Variants in SH3BP4 observed in about 807,000 individuals in gnomAD.
SH3BP4 encodes the protein SH3 domain binding protein 4.
A neutral mutation model predicts 65.5 loss-of-function variants in SH3BP4; 33 were observed. That is an observed-to-expected ratio of 0.50 (90% CI 0.38 to 0.67). The LOEUF (loss-of-function observed/expected upper bound fraction) is 0.67, where lower values mean the gene tolerates loss of function less well. Among genes scored for constraint, SH3BP4 ranks in the 30% least tolerant of loss-of-function variants. The probability of loss-of-function intolerance (pLI) is 0.00; values close to 1 mark genes in which losing one functional copy is unlikely to be tolerated. For synonymous variants in SH3BP4, 552 were observed against 545.5 expected (o/e 1.01, Z -0.17); for missense variants, 1,134 against 1,261.4 (o/e 0.90, Z 1.53).
intron 1 of SH3BP4, among the ~76,000 whole-genome samples, chr2:234,953,683 T>C (rs1310778946): frequency 1.3e-5 from 2 of 152,168 alleles, no homozygotes; most frequent in African/African-American, 4.8e-5. Flanking sequence ...GGCTGTACTT[T>C]AAGGCGCTGG....
In SH3BP4 at chr2:234,967,212, T is replaced by A. The variant is rs1215007779; in HGVS notation, c.-207+15042T>A. ...TCTCAACCATGATACTGTTCTCCCCTACACGGGGGGCCAGGTCTCAATTCC... is the reference window on the plus strand; with the variant it reads ...TCTCAACCATGATACTGTTCTCCCCAACACGGGGGGCCAGGTCTCAATTCC... On this transcript the variant is annotated intron_variant, in intron 1 of 5. Transcript: ENST00000392011. This position sits in a 1 kb window ranked among gnomAD's most constrained non-coding sequence, Gnocchi z 4.6. 6.6e-6 allele frequency among the ~76,000 whole-genome samples: 1 copy of A among 152,194 alleles called. No homozygotes were observed. Among genetic ancestry groups the A allele is most frequent in the African/African-American group, 2.4e-5 (1 of 41,444 alleles).
At chr2:234,988,082 CAG>C (rs1276437958) in intron 1 of SH3BP4, among the ~76,000 whole-genome samples, 2 of 151,872 alleles carry the variant, frequency 1.3e-5, no homozygotes, top group African/African-American at 4.8e-5. Context: ...TTCTTTGAGT[CAG>C]AGTCTCACTC....
chr2:234,956,168 C>T (rs1692581811), intron 1 of SH3BP4, among the ~76,000 whole-genome samples: 2 of 152,168 alleles, frequency 1.3e-5, no homozygotes, highest in African/African-American at 4.8e-5. Flanking sequence ...TTCGTGAAAC[C>T]CTCACCCCGT....
At chr2:234,999,964 T>C (rs1275789690) in intron 2 of SH3BP4, among the ~76,000 whole-genome samples, 1 of 152,238 alleles carries the variant, frequency 6.6e-6, no homozygotes, top group Non-Finnish European at 1.5e-5. Flanking sequence ...TTTGAGTTTC[T>C]GAGCATCCAA....
chr2:235,039,119 C>T (rs1394508846), intron 3 of SH3BP4, among the ~76,000 whole-genome samples: 2 of 152,112 alleles, frequency 1.3e-5, no homozygotes, highest in Non-Finnish European at 2.9e-5. Context: ...GGGCTCCACT[C>T]GAGTCTGGGT....
rs1342823442 is a variant in SH3BP4, at chr2:235,041,023, T to G, written c.254T>G (p.Leu85Trp). The G allele has an allele frequency of 2.5e-6, 4 of 1,614,074 alleles. No homozygotes were observed. Among genetic ancestry groups the G allele is most frequent in the Middle Eastern group, 1.6e-4 (1 of 6,084 alleles). The change falls in exon 4 of 6, where the codon TTG becomes TGG. Residue 85 changes from leucine (L) to tryptophan (W), a missense_variant. Leu to Trp is a moderately conservative substitution (Grantham distance 61). Coordinates refer to ENST00000392011, the MANE Select transcript of SH3BP4 (RefSeq NM_014521.3). This position sits in a 1 kb window ranked among gnomAD's most constrained non-coding sequence, Gnocchi z 6.0. ...KFSKGDHLYV[L>W]DTSGGEWWYA... is the part of the protein sequence containing the mutation. ...TCCAAGGGCGACCATCTCTACGTCT[T>G]GGACACATCTGGCGGTGAGTGGTGG...
intron 1 of SH3BP4, among the ~76,000 whole-genome samples, chr2:234,981,142 C>T (rs1693370549): frequency 6.6e-6 from 1 of 152,186 alleles, no homozygotes; most frequent in African/African-American, 2.4e-5. Flanking sequence ...AAATCAGGCA[C>T]AATTCTGAAT....
At chr2:235,023,523 G>A (rs1233605693) in intron 2 of SH3BP4, among the ~76,000 whole-genome samples, 1 of 152,078 alleles carries the variant, frequency 6.6e-6, no homozygotes, top group East Asian at 1.9e-4. Context: ...CTCCAGCCTG[G>A]GTGACACAGT....
At position 235,033,351 on chromosome 2, in the gene SH3BP4, C is replaced by A. The variant is rs577634309; in HGVS notation, c.-132-1520C>A. The stretch of plus-strand genomic sequence containing the variant: ...TGGTGTCTCAAATAAAGGCGCTGAT[C>A]TGATCATGAGGACCCCACCTTCATG... On this transcript the variant is annotated intron_variant, in intron 2 of 5. Transcript: ENST00000392011. This position sits in a 1 kb window ranked among gnomAD's most constrained non-coding sequence, Gnocchi z 5.7. Among the ~76,000 whole-genome samples, 50 of 152,350 alleles carry A rather than the reference C, an allele frequency of 3.3e-4. No homozygotes were observed. Among genetic ancestry groups the A allele is most frequent in the African/African-American group, 1.2e-3 (50 of 41,578 alleles).
In SH3BP4 at chr2:235,042,224, C is replaced by G; in HGVS notation, c.1455C>G (p.His485Gln). ...TVGLYGPKHIHPSFKTVVTIF... is the reference protein window; with the variant it reads ...TVGLYGPKHIQPSFKTVVTIF... ...GTCTCTACGGCCCTAAACACATCCA[C>G]CCATCCTTCAAGACGGTAGTGACCA... The change falls in exon 4 of 6, where the codon CAC becomes CAG. Residue 485 changes from histidine (H) to glutamine (Q), a missense_variant. By Grantham distance (24) the His-to-Gln change is conservative. Transcript: ENST00000392011. The surrounding 1 kb of genome is among the most constrained non-coding windows in gnomAD (Gnocchi z 7.3). The G allele has an allele frequency of 6.2e-7, 1 of 1,614,064 alleles. No individual in the cohort carries two copies. Among genetic ancestry groups the G allele is most frequent in the Non-Finnish European group, 8.5e-7 (1 of 1,180,026 alleles).
chr2:234,969,576 G>T (rs565121479), intron 1 of SH3BP4, among the ~76,000 whole-genome samples: 1 of 150,672 alleles, frequency 6.6e-6, no homozygotes, highest in Non-Finnish European at 1.5e-5. Context: ...ATCTGATCGT[G>T]CCTCTTCCTG....
chr2:234,985,635 T>C (rs993359889), intron 1 of SH3BP4, among the ~76,000 whole-genome samples: 1 of 152,050 alleles, frequency 6.6e-6, no homozygotes, highest in Admixed American at 6.5e-5. Context: ...TTTTTGACCC[T>C]CTGCGCACAG....
intron 4 of SH3BP4, among the ~76,000 whole-genome samples, chr2:235,047,945 G>A (rs1450036666): frequency 1.3e-5 from 2 of 152,168 alleles, no homozygotes; most frequent in African/African-American, 4.8e-5. Context: ...GTGGAGTGGG[G>A]GCCGGAATAA....
chr2:235,051,428 T>C (rs2106344666), intron 4 of SH3BP4, among the ~76,000 whole-genome samples: 1 of 152,298 alleles, frequency 6.6e-6, no homozygotes, highest in East Asian at 1.9e-4. Flanking sequence ...TAGGAGGGAA[T>C]TGAGTCCCAA....
intron 2 of SH3BP4, among the ~76,000 whole-genome samples, chr2:235,021,957 G>A (rs147238945): frequency 2.0e-4 from 30 of 152,158 alleles, no homozygotes; most frequent in South Asian, 4.2e-4. Context: ...ATCCCTCCCC[G>A]AGAAGCAAAA....
rs1445420113 is a variant in SH3BP4, at chr2:235,042,436, C to A, written c.1667C>A (p.Ala556Asp). The A allele has an allele frequency of 5.6e-6, 9 of 1,614,050 alleles. No individual in the cohort carries two copies. Among genetic ancestry groups the A allele is most frequent in the Non-Finnish European group, 7.6e-6 (9 of 1,180,038 alleles). The change falls in exon 4 of 6, where the codon GCC (alanine) becomes GAC (aspartate). Residue 556 changes from alanine (A) to aspartate (D), a missense_variant. By Grantham distance (126) the Ala-to-Asp change is moderately radical. Transcript: ENST00000392011. This position sits in a 1 kb window ranked among gnomAD's most constrained non-coding sequence, Gnocchi z 7.3. Reference protein sequence around the residue: ...TNYEVKASEQAKVVRGFQLKL... With the variant: ...TNYEVKASEQDKVVRGFQLKL... The stretch of plus-strand genomic sequence containing the variant: ...TACGAGGTCAAAGCCAGCGAGCAGG[C>A]CAAAGTGGTGCGAGGATTCCAGCTG...
intron 2 of SH3BP4, among the ~76,000 whole-genome samples, chr2:235,011,886 G>A (rs867135695): frequency 1.1e-4 from 16 of 152,188 alleles, no homozygotes; most frequent in African/African-American, 2.7e-4. Flanking sequence ...ATTAGTGTCC[G>A]TTGAGCGGTT....
intron 2 of SH3BP4, among the ~76,000 whole-genome samples, chr2:235,019,040 A>C (rs768588617): frequency 3.3e-5 from 5 of 152,226 alleles, no homozygotes; most frequent in Non-Finnish European, 7.3e-5. Context: ...CAGCTAGTGC[A>C]AGGGTCCTGG....
At chr2:235,049,214 C>T (rs749085003) in intron 4 of SH3BP4, among the ~76,000 whole-genome samples, 3 of 152,138 alleles carry the variant, frequency 2.0e-5, no homozygotes, top group South Asian at 2.1e-4. Flanking sequence ...GGAGTCCAGG[C>T]GCTCTCCTTC....
Sources: gnomAD v4.1 joint callset for allele counts (sites outside exome capture counted in the v4.1 genomes callset) on GRCh38, gnomAD v4.1.1 for gene constraint, Gnocchi (gnomAD v3.1) non-coding constraint, MANE v1.5 for transcripts, NCBI Gene and HGNC (gene_info 2026-07-23, HGNC 2026-07-21) for gene names.